FAF1: variants seen among roughly 807,000 people sequenced by gnomAD.
FAF1 encodes the protein Fas associated factor 1.
In FAF1, 25 loss-of-function variants were observed where a neutral mutation model predicts 92.5. That is an observed-to-expected ratio of 0.27 (90% CI 0.20 to 0.38). The LOEUF (loss-of-function observed/expected upper bound fraction) is 0.38. Ranked by LOEUF, FAF1 falls within the 10% of genes least tolerant of loss-of-function variation. The pLI is 1.00. For missense variants in FAF1, 636 were observed against 793.3 expected (o/e 0.80, Z 2.38); for synonymous variants, 234 against 273.2 (o/e 0.86, Z 1.42).
intron 1 of FAF1, among the ~76,000 whole-genome samples, chr1:50,958,160 A>G (rs761871319): frequency 6.6e-6 from 1 of 152,128 alleles, no homozygotes; most frequent in African/African-American, 2.4e-5. Flanking sequence ...TAATTGAAAA[A>G]TTTTTTAAAA....
intron 1 of FAF1, among the ~76,000 whole-genome samples, chr1:50,958,419 T>A (rs1000651950): frequency 1.3e-5 from 2 of 152,218 alleles, no homozygotes; most frequent in African/African-American, 4.8e-5. Flanking sequence ...GGCTCACGCC[T>A]GTAATCCCAG....
intron 1 of FAF1, among the ~76,000 whole-genome samples, chr1:50,883,596 CT>C (rs1644631646): frequency 1.3e-5 from 2 of 152,162 alleles, no homozygotes; most frequent in African/African-American, 4.8e-5. Context: ...TCCTGGACCC[CT>C]CACAAGTTAA....
chr1:50,678,289 G>C (rs997965491), intron 7 of FAF1, among the ~76,000 whole-genome samples: 3 of 152,188 alleles, frequency 2.0e-5, no homozygotes, highest in South Asian at 2.1e-4. Context: ...TAGTTCAAGG[G>C]GGGTGGGAGT....
chr1:50,615,531 C>A lies in FAF1; in HGVS notation c.745-19315G>T, dbSNP rs183791905. Among the ~76,000 whole-genome samples, 53 of 152,302 alleles carry A rather than the reference C, an allele frequency of 3.5e-4. 2 individuals are homozygous for A. The highest frequency in any genetic ancestry group is 1.4e-3 in the Admixed American group (22 of 15,296). On this transcript the variant is annotated intron_variant, in intron 8 of 18. Transcript: ENST00000396153. Reference sequence around the variant, plus strand: ...TCCCTTTTCTATGCAGTCTTGCCAGCATCTACTGTTTTCTGACTTTTTAAT... The same window carrying A: ...TCCCTTTTCTATGCAGTCTTGCCAGAATCTACTGTTTTCTGACTTTTTAAT...
intron 1 of FAF1, among the ~76,000 whole-genome samples, chr1:50,947,153 T>C (rs1020335202): frequency 6.8e-6 from 1 of 147,632 alleles, no homozygotes; most frequent in African/African-American, 2.5e-5. Flanking sequence ...AGGATACATC[T>C]AAAATTGATT....
chr1:50,927,549 A>G (rs968205612), intron 1 of FAF1, among the ~76,000 whole-genome samples: 1 of 152,192 alleles, frequency 6.6e-6, no homozygotes, highest in African/African-American at 2.4e-5. Flanking sequence ...TCCAAAAAAA[A>G]TAAAAGCTTA....
chr1:50,494,757 C>A (rs1322848454), intron 15 of FAF1, among the ~76,000 whole-genome samples: 1 of 152,198 alleles, frequency 6.6e-6, no homozygotes, highest in Non-Finnish European at 1.5e-5. Context: ...TTTCCTATAG[C>A]ATCTAGCATA....
intron 1 of FAF1, among the ~76,000 whole-genome samples, chr1:50,900,535 AT>A (rs1276384676): frequency 6.6e-6 from 1 of 152,162 alleles, no homozygotes. Context: ...CTGACTCCAA[AT>A]TCACACACTT....
intron 1 of FAF1, among the ~76,000 whole-genome samples, chr1:50,872,540 A>G (rs1644536951): frequency 6.6e-6 from 1 of 152,186 alleles, no homozygotes; most frequent in Non-Finnish European, 1.5e-5. Context: ...TTAACTGATA[A>G]AGCAGCAGTA....
intron 18 of FAF1, among the ~76,000 whole-genome samples, chr1:50,474,417 TAA>T (rs1557960107): frequency 1.3e-5 from 2 of 152,104 alleles, no homozygotes; most frequent in East Asian, 3.8e-4. Flanking sequence ...GTTTTTTTTT[TAA>T]ATTTTTTATT....
chr1:50,714,401 T>G (rs920562772), intron 6 of FAF1, among the ~76,000 whole-genome samples: 26 of 150,886 alleles, frequency 1.7e-4, no homozygotes, highest in Admixed American at 1.7e-3. Flanking sequence ...TAATCCCAGC[T>G]ACGCAGGAGG....
intron 18 of FAF1, among the ~76,000 whole-genome samples, chr1:50,442,876 C>T (rs1200659581): frequency 1.3e-5 from 2 of 152,174 alleles, no homozygotes; most frequent in Admixed American, 1.3e-4. Flanking sequence ...ATCCTCTCCG[C>T]TTATAAGGAA....
At position 50,729,054 on chromosome 1, in the gene FAF1, ATATATTT is replaced by A. The variant is rs1431093314; in HGVS notation, c.551+9802_551+9808del. On this transcript the variant is annotated intron_variant, in intron 6 of 18. Coordinates refer to ENST00000396153, the MANE Select transcript of FAF1 (RefSeq NM_007051.3). ...TCTATCTATATATATATATATATAT[ATATATTT>A]TTTTTTTTTTTGAGGCAGAGTTTCG... 5.2e-3 allele frequency among the ~76,000 whole-genome samples: 509 copies of A among 97,804 alleles called. 3 individuals are homozygous for A. The highest frequency in any genetic ancestry group is 0.018 in the African/African-American group (411 of 22,462). The allele number at this position is 97,804 out of a possible 152,430, so 64.2% of individuals were successfully genotyped here.
chr1:50,456,093 T>G (rs1358815454), intron 18 of FAF1, among the ~76,000 whole-genome samples: 1 of 152,020 alleles, frequency 6.6e-6, no homozygotes, highest in African/African-American at 2.4e-5. Context: ...AAAAATTTTT[T>G]TTTTTTAGAG....
At chr1:50,781,965 A>G (rs538737045) in intron 4 of FAF1, among the ~76,000 whole-genome samples, 56 of 152,324 alleles carry the variant, frequency 3.7e-4, no homozygotes, top group African/African-American at 1.1e-3. Flanking sequence ...ATCTAGTGAC[A>G]TCTTAGCCAC....
intron 6 of FAF1, among the ~76,000 whole-genome samples, chr1:50,717,906 T>TA (rs1185448620): frequency 3.3e-5 from 5 of 152,064 alleles, no homozygotes; most frequent in Non-Finnish European, 5.9e-5. Flanking sequence ...ACATTAACCA[T>TA]AAAAAAATGC....
chr1:50,826,504 C>T (rs866359527), intron 2 of FAF1, among the ~76,000 whole-genome samples: 1 of 150,822 alleles, frequency 6.6e-6, no homozygotes. Context: ...GAGCTAAGAT[C>T]GTGCCACTGC....
chr1:50,876,093 G>A (rs1309339732), intron 1 of FAF1, among the ~76,000 whole-genome samples: 2 of 152,124 alleles, frequency 1.3e-5, no homozygotes, highest in South Asian at 2.1e-4. Context: ...TGTGTAAAAC[G>A]ACTAAAAAGA....
At chr1:50,956,916 C>G (rs1235798766) in intron 1 of FAF1, among the ~76,000 whole-genome samples, 3 of 152,136 alleles carry the variant, frequency 2.0e-5, no homozygotes, top group African/African-American at 7.2e-5. Flanking sequence ...CCATTGCACT[C>G]CAGCCTGGGC....
Sources: gnomAD v4.1 joint callset for allele counts (sites outside exome capture counted in the v4.1 genomes callset) on GRCh38, gnomAD v4.1.1 for gene constraint, MANE v1.5 for transcripts, NCBI Gene and HGNC (gene_info 2026-07-23, HGNC 2026-07-21) for gene names.